Variants in CDYL2 observed in about 807,000 individuals in gnomAD.
The protein encoded by CDYL2 is chromodomain Y-like protein 2.
In CDYL2, 23 loss-of-function variants were observed where a neutral mutation model predicts 49.4. That is an observed-to-expected ratio of 0.47 (90% CI 0.34 to 0.66). The LOEUF (loss-of-function observed/expected upper bound fraction) is 0.66, where lower values mean the gene tolerates loss of function less well. CDYL2 is among the 30% of genes least tolerant of loss of function. The probability of loss-of-function intolerance (pLI) is 0.01; values close to 1 mark genes in which losing one functional copy is unlikely to be tolerated. For missense variants in CDYL2, 678 were observed against 656.4 expected (o/e 1.03, Z -0.36); for synonymous variants, 360 against 268.8 (o/e 1.34, Z -3.32).
At chr16:80,637,866 C>G (rs1042980435) in intron 2 of CDYL2, among the ~76,000 whole-genome samples, 2 of 152,150 alleles carry the variant, frequency 1.3e-5, no homozygotes, top group Admixed American at 6.5e-5. Flanking sequence ...CTAAGCATCA[C>G]ACGTATTCCA....
intron 1 of CDYL2, among the ~76,000 whole-genome samples, chr16:80,685,505 T>G (rs1169992849): frequency 6.6e-6 from 1 of 152,218 alleles, no homozygotes; most frequent in Non-Finnish European, 1.5e-5. Context: ...AAAGACCAAT[T>G]TGGTGTGAGT....
intron 1 of CDYL2, among the ~76,000 whole-genome samples, chr16:80,758,540 ACTT>A (rs1322952189): frequency 2.2e-5 from 3 of 134,974 alleles, no homozygotes; most frequent in Non-Finnish European, 4.8e-5. Context: ...TTGCTGCAGC[ACTT>A]TTTTTTTTTT....
chr16:80,609,890 GAACATA>G (rs887442652), intron 5 of CDYL2, among the ~76,000 whole-genome samples: 1 of 151,914 alleles, frequency 6.6e-6, no homozygotes, highest in South Asian at 2.1e-4. Context: ...CTAAGAAAAC[GAACATA>G]AACATAGTTT....
intron 4 of CDYL2, among the ~76,000 whole-genome samples, chr16:80,613,465 C>G (rs900310485): frequency 5.9e-5 from 9 of 152,126 alleles, no homozygotes; most frequent in African/African-American, 1.7e-4. Context: ...TGGTCTGATT[C>G]TGAATTACCT....
At chr16:80,710,193 C>G (rs946751452) in intron 1 of CDYL2, among the ~76,000 whole-genome samples, 1 of 152,164 alleles carries the variant, frequency 6.6e-6, no homozygotes, top group East Asian at 1.9e-4. Flanking sequence ...TCCCAAAGCA[C>G]TGGGATTACA....
Position 80,688,256 on chromosome 16 carries a change from T to C in CDYL2, c.25-3127A>G, listed in dbSNP as rs80304414. Among the ~76,000 whole-genome samples, 1,189 of 152,298 alleles carry C rather than the reference T, an allele frequency of 7.8e-3. 29 individuals carry two copies. The highest frequency in any genetic ancestry group is 0.027 in the African/African-American group (1,127 of 41,568). ...CACTGGGTGGCTTGTCAACAATTTCTACTTAACCCAATACCAATGATGAGC... is the reference window on the plus strand; with the variant it reads ...CACTGGGTGGCTTGTCAACAATTTCCACTTAACCCAATACCAATGATGAGC... On this transcript the variant is annotated intron_variant, in intron 1 of 6. Transcript: ENST00000570137.
At chr16:80,797,041 C>G (rs1192860505) in intron 1 of CDYL2, among the ~76,000 whole-genome samples, 1 of 152,130 alleles carries the variant, frequency 6.6e-6, no homozygotes, top group African/African-American at 2.4e-5. Flanking sequence ...GTACATCTGA[C>G]CTTATTTCTC....
intron 3 of CDYL2, among the ~76,000 whole-genome samples, chr16:80,631,447 T>C (rs1312765992): frequency 2.0e-5 from 3 of 152,236 alleles, no homozygotes; most frequent in Admixed American, 6.5e-5. Context: ...TTGAATGATG[T>C]TGTCAATCTC....
chr16:80,773,132 T>A (rs1397537292), intron 1 of CDYL2, among the ~76,000 whole-genome samples: 1 of 152,220 alleles, frequency 6.6e-6, no homozygotes, highest in East Asian at 1.9e-4. Flanking sequence ...CTGCAAATTT[T>A]ATTAAAAGAA....
At chr16:80,804,094 C>T in intron 1 of CDYL2, 56 bp downstream of exon 1, 1 of 989,122 alleles carries the variant, frequency 1.0e-6, no homozygotes, top group Non-Finnish European at 1.2e-6. Context: ...CGCCCGCCGC[C>T]GCCGCCCGCC....
intron 1 of CDYL2, among the ~76,000 whole-genome samples, chr16:80,753,709 G>A (rs537219383): frequency 6.6e-5 from 10 of 152,264 alleles, no homozygotes; most frequent in African/African-American, 2.4e-4. Context: ...GTGCCTTCAT[G>A]ACCTTCAGAT....
At chr16:80,677,031 C>T (rs538041703) in intron 2 of CDYL2, among the ~76,000 whole-genome samples, 70 of 138,160 alleles carry the variant, frequency 5.1e-4, no homozygotes, top group African/African-American at 1.9e-3. Context: ...AGTGCAGTGG[C>T]ACAATCACAG....
intron 2 of CDYL2, among the ~76,000 whole-genome samples, chr16:80,672,318 TACACACACAC>T (rs68135845): frequency 2.2e-4 from 28 of 126,952 alleles, no homozygotes; most frequent in South Asian, 8.7e-4. Context: ...TACAAAATGT[TACACACACAC>T]ACACACACAC....
chr16:80,742,461 C>CATGGATGGATGG (rs3081238), intron 1 of CDYL2, among the ~76,000 whole-genome samples: 1,874 of 146,266 alleles, frequency 0.013, 17 homozygotes, highest in Middle Eastern at 0.018. Flanking sequence ...AGGATGGATG[C>CATGGATGGATGG]ATGGATGGAT....
intron 2 of CDYL2, among the ~76,000 whole-genome samples, chr16:80,651,873 A>C (rs992870441): frequency 6.6e-6 from 1 of 152,192 alleles, no homozygotes; most frequent in Non-Finnish European, 1.5e-5. Context: ...TTGAATGATT[A>C]AGTAAATGGA....
intron 2 of CDYL2, among the ~76,000 whole-genome samples, chr16:80,683,454 C>T (rs1485400896): frequency 6.6e-6 from 1 of 152,214 alleles, no homozygotes; most frequent in Non-Finnish European, 1.5e-5. Flanking sequence ...CTACATGGGT[C>T]ATCACCTCCT....
At position 80,623,414 on chromosome 16, in the gene CDYL2, G is replaced by C. The variant is rs554267520; in HGVS notation, c.835-2479C>G. Among the ~76,000 whole-genome samples, 24 of 151,682 alleles carry C rather than the reference G, an allele frequency of 1.6e-4. No individual in the cohort carries two copies. The South Asian group carries it at 5.0e-3, about 32-fold the overall frequency. Reference sequence around the variant, plus strand: ...GCAGTGCATGGCACATACCCTGCAAGATGTCCCCGTTTATATACTGACCCT... The same window carrying C: ...GCAGTGCATGGCACATACCCTGCAACATGTCCCCGTTTATATACTGACCCT... On this transcript the variant is annotated intron_variant, in intron 3 of 6. Transcript: ENST00000570137.
chr16:80,677,713 T>C (rs1909810275), intron 2 of CDYL2, among the ~76,000 whole-genome samples: 1 of 151,042 alleles, frequency 6.6e-6, no homozygotes, highest in South Asian at 2.1e-4. Context: ...CACTCCAGCC[T>C]GGGCGACAGA....
chr16:80,626,253 G>A (rs552851358), intron 3 of CDYL2, among the ~76,000 whole-genome samples: 12 of 144,744 alleles, frequency 8.3e-5, no homozygotes, highest in Middle Eastern at 3.4e-3. Context: ...CTCCAACCTC[G>A]GTGACAGAAT....
Sources: allele counts gnomAD v4.1 joint callset (sites outside exome capture counted in the v4.1 genomes callset), GRCh38; gene constraint gnomAD v4.1.1; transcripts MANE v1.5; gene names NCBI Gene and HGNC (gene_info 2026-07-23, HGNC 2026-07-21).